Variants in SLC25A31 observed in about 807,000 individuals in gnomAD.
The protein encoded by SLC25A31 is ADP/ATP translocase 4.
Under a neutral mutation model 36.2 loss-of-function variants are expected in SLC25A31, and 40 were observed. The observed-to-expected ratio is 1.10, with a 90% CI of 0.86 to 1.44. The LOEUF is 1.44. Ranked by LOEUF, SLC25A31 falls within the 40% of genes most tolerant of loss-of-function variation. SLC25A31 has a pLI of 0.00. For missense variants in SLC25A31, 350 were observed against 397.1 expected, an observed-to-expected ratio of 0.88 and a Z score of 1.01; for synonymous variants, 143 against 149.7, an observed-to-expected ratio of 0.96 and a Z score of 0.32.
At chr4:127,741,422 T>C (rs1731729623) in intron 1 of SLC25A31, among the ~76,000 whole-genome samples, 1 of 152,208 alleles carries the variant, frequency 6.6e-6, no homozygotes, top group African/African-American at 2.4e-5. Context: ...AGAGTTTTTA[T>C]TACATAAAGA....
At chr4:127,765,570 A>T (rs1219464875) in intron 3 of SLC25A31, among the ~76,000 whole-genome samples, 1 of 152,148 alleles carries the variant, frequency 6.6e-6, no homozygotes, top group African/African-American at 2.4e-5. Flanking sequence ...GGCGTGTGTG[A>T]GTGTGTATAT....
chr4:127,767,184 C>G lies in SLC25A31; in HGVS notation c.597C>G (p.Tyr199Ter), dbSNP rs1043726027. ...TTTCAGTACAGGGCATCATTGTGTA[C>G]CGAGCCTCTTATTTTGGAGCTTATG... is the stretch of plus-strand genomic sequence containing the variant. ...FGVSVQGIIVYRASYFGAYDT... is the reference protein window; with the variant it reads ...FGVSVQGIIV Residue 199 changes from tyrosine to a stop codon, truncating the protein, a stop_gained, in exon 4 of 6, where the codon TAC (tyrosine) becomes TAG (stop). Transcript: ENST00000281154. LOFTEE classifies it high-confidence loss of function. 4.0e-5 allele frequency: 65 copies of G among 1,607,290 alleles called. No individual in the cohort carries two copies. The highest frequency in any genetic ancestry group is 5.1e-5 in the Non-Finnish European group (60 of 1,176,922).
intron 2 of SLC25A31, among the ~76,000 whole-genome samples, chr4:127,750,158 G>A (rs1423413300): frequency 6.6e-6 from 1 of 152,152 alleles, no homozygotes; most frequent in African/African-American, 2.4e-5. Context: ...ATCACCACCA[G>A]ACTGAGCTTG....
chr4:127,737,611 G>T (rs923458293), intron 1 of SLC25A31, among the ~76,000 whole-genome samples: 1 of 151,906 alleles, frequency 6.6e-6, no homozygotes, highest in South Asian at 2.1e-4. Flanking sequence ...CTGGACTGCA[G>T]GGCACAATCG....
chr4:127,731,791 C>T (rs1731531885), intron 1 of SLC25A31, among the ~76,000 whole-genome samples: 1 of 151,676 alleles, frequency 6.6e-6, no homozygotes, highest in Admixed American at 6.6e-5. Flanking sequence ...TAAACCTCCA[C>T]TCCTAAAAAC....
chr4:127,764,907 A>C (rs1406946896), intron 3 of SLC25A31, among the ~76,000 whole-genome samples: 1 of 152,230 alleles, frequency 6.6e-6, no homozygotes, highest in African/African-American at 2.4e-5. Context: ...GTCTGAGTTT[A>C]AAATTATTTT....
At chr4:127,740,821 C>T (rs1428356254) in intron 1 of SLC25A31, among the ~76,000 whole-genome samples, 2 of 152,224 alleles carry the variant, frequency 1.3e-5, no homozygotes, top group East Asian at 1.9e-4. Flanking sequence ...GTGTATAAAG[C>T]AGAGAGGGCC....
At chr4:127,745,303 G>A (rs1731804606) in intron 2 of SLC25A31, among the ~76,000 whole-genome samples, 1 of 88,090 alleles carries the variant, frequency 1.1e-5, no homozygotes, top group Admixed American at 1.5e-4. Context: ...TTATTGCAAG[G>A]ATACTTTTTT....
At chr4:127,762,927 A>C (rs2148763006) in intron 2 of SLC25A31, among the ~76,000 whole-genome samples, 1 of 151,992 alleles carries the variant, frequency 6.6e-6, no homozygotes, top group African/African-American at 2.4e-5. Flanking sequence ...CTGTCTCAAA[A>C]AAAAAAAAAA....
At position 127,764,266 on chromosome 4, in the gene SLC25A31, C is replaced by A. The variant is rs771721752; in HGVS notation, c.384C>A (p.Asn128Lys). ...EKQFWRWFLA[N>K]LASGGAAGAT... ...AGTTCTGGAGGTGGTTTTTGGCAAA[C>A]CTGGCTTCTGGTGGAGCTGCTGGGG... The change falls in exon 3 of 6, where the codon AAC becomes AAA. Residue 128 changes from asparagine (N) to lysine (K), a missense_variant. Transcript: ENST00000281154. The A allele has an allele frequency of 6.2e-7, 1 of 1,613,568 alleles. No homozygotes were observed. Among genetic ancestry groups the A allele is most frequent in the Admixed American group, 1.7e-5 (1 of 59,986 alleles).
At chr4:127,767,271 TTTAA>T in intron 4 of SLC25A31, 51 bp downstream of exon 4, 1 of 1,359,880 alleles carries the variant, frequency 7.4e-7, no homozygotes, top group Non-Finnish European at 9.7e-7. Flanking sequence ...TTTCCATTTA[TTTAA>T]TTAGTAATGT....
At chr4:127,737,514 T>C (rs1731654431) in intron 1 of SLC25A31, among the ~76,000 whole-genome samples, 1 of 152,214 alleles carries the variant, frequency 6.6e-6, no homozygotes, top group South Asian at 2.1e-4. Flanking sequence ...CTTCTGTTTA[T>C]GTTCAGTACG....
chr4:127,731,800 A>G (rs1731532021), intron 1 of SLC25A31, among the ~76,000 whole-genome samples: 1 of 151,994 alleles, frequency 6.6e-6, no homozygotes, highest in Admixed American at 6.6e-5. Flanking sequence ...ACTCCTAAAA[A>G]CAGGAAAAAA....
At chr4:127,756,024 C>T (rs909501040) in intron 2 of SLC25A31, among the ~76,000 whole-genome samples, 5 of 150,388 alleles carry the variant, frequency 3.3e-5, no homozygotes, top group Non-Finnish European at 7.4e-5. Context: ...CAAAGCAAGA[C>T]CCCACCTCAA....
chr4:127,742,828 T>A (rs753300330), intron 1 of SLC25A31, among the ~76,000 whole-genome samples: 1 of 152,214 alleles, frequency 6.6e-6, no homozygotes, highest in Non-Finnish European at 1.5e-5. Context: ...GTTGGTATGT[T>A]GTGTTTCCAT....
At chr4:127,732,512 C>G (rs1157510441) in intron 1 of SLC25A31, among the ~76,000 whole-genome samples, 3 of 152,150 alleles carry the variant, frequency 2.0e-5, no homozygotes, top group Non-Finnish European at 1.5e-5. Context: ...AAGTAGGGGC[C>G]TCTCTATTAT....
At chr4:127,735,866 TA>T (rs1333483417) in intron 1 of SLC25A31, among the ~76,000 whole-genome samples, 3 of 139,036 alleles carry the variant, frequency 2.2e-5, no homozygotes, top group African/African-American at 8.0e-5. Flanking sequence ...AACATTCTTT[TA>T]TTTTATTTAT....
chr4:127,742,359 G>A (rs1383415729), intron 1 of SLC25A31, among the ~76,000 whole-genome samples: 3 of 152,154 alleles, frequency 2.0e-5, no homozygotes, highest in African/African-American at 7.2e-5. Context: ...ACCACATCTG[G>A]ACATTGAGAC....
chr4:127,730,504 C>A lies in SLC25A31; in HGVS notation c.-42C>A. On this transcript the variant is annotated 5_prime_UTR_variant, in exon 1 of 6. Transcript: ENST00000281154. ...TTCCCTTCATCGTAGCTCCCGTACT[C>A]ATTTTTAGCCACTGCTGCCGGTTTT... 1 of 1,589,780 alleles carries A rather than the reference C, an allele frequency of 6.3e-7. No homozygotes were observed.
Sources: allele counts gnomAD v4.1 joint callset (sites outside exome capture counted in the v4.1 genomes callset), GRCh38; gene constraint gnomAD v4.1.1; transcripts MANE v1.5; gene names NCBI Gene and HGNC (gene_info 2026-07-23, HGNC 2026-07-21).